Variants in SPINK5 observed in about 807,000 individuals in gnomAD.
SPINK5 encodes serine peptidase inhibitor Kazal type 5.
A neutral mutation model predicts 151.8 loss-of-function variants in SPINK5; 125 were observed. That is an observed-to-expected ratio of 0.82 (90% CI 0.71 to 0.96). The LOEUF is 0.96. Among genes scored for constraint, SPINK5 ranks in the 40% least tolerant of loss-of-function variants. The probability of loss-of-function intolerance (pLI) is 0.00; values close to 1 mark genes in which losing one functional copy is unlikely to be tolerated. For synonymous variants in SPINK5, 374 were observed against 395.3 expected (o/e 0.95, Z 0.64); for missense variants, 1,194 against 1,291.9 (o/e 0.92, Z 1.16).
In SPINK5 at chr5:148,107,147, C is replaced by T. The variant is rs1753804882; in HGVS notation, c.1590C>T (p.Ala530=). The change falls in exon 17 of 33, where the codon GCC becomes GCT. Residue 530 remains alanine (A), a synonymous_variant. Transcript: ENST00000256084. ...PDGKMHGNKC[A]MCASVFKLEE... is the part of the protein sequence containing the mutation. ...GCAAAATGCATGGAAACAAGTGTGC[C>T]ATGTGTGCCAGTGTGTTGTGAGTGT... is the stretch of plus-strand genomic sequence containing the variant. 4 of 1,612,266 alleles carry T rather than the reference C, an allele frequency of 2.5e-6. No homozygotes were observed. The East Asian group carries it at 6.7e-5, about 27-fold the overall frequency.
chr5:148,067,394 T>C (rs1032417694), intron 2 of SPINK5, among the ~76,000 whole-genome samples: 1 of 152,142 alleles, frequency 6.6e-6, no homozygotes, highest in Admixed American at 6.5e-5. Context: ...GGACTGGAAG[T>C]TACCCTGCAA....
In SPINK5 at chr5:148,111,778, G is replaced by C; in HGVS notation, c.1703G>C (p.Ser568Thr). The change falls in exon 19 of 33, where the codon AGT becomes ACT. Residue 568 changes from serine to threonine, a missense_variant. By Grantham distance (58) the Ser-to-Thr change is moderately conservative (BLOSUM62 1). Coordinates refer to ENST00000256084, the MANE Select transcript of SPINK5 (RefSeq NM_006846.4). ...TGCTTCATTTGGCAGGAGCTGTGCAGTGAATATCGTCATTATGTGAGGAAT... is the reference window on the plus strand; with the variant it reads ...TGCTTCATTTGGCAGGAGCTGTGCACTGAATATCGTCATTATGTGAGGAAT... ...VKREAVQELC[S>T]EYRHYVRNGR... The C allele has an allele frequency of 6.2e-7, 1 of 1,614,050 alleles. No individual in the cohort carries two copies. Among genetic ancestry groups the C allele is most frequent in the Non-Finnish European group, 8.5e-7 (1 of 1,179,910 alleles).
intron 31 of SPINK5, 123 bp downstream of exon 31, chr5:148,131,512 GT>G: frequency 7.1e-7 from 1 of 1,409,476 alleles, no homozygotes; most frequent in Non-Finnish European, 9.8e-7. Context: ...CATCATAGAA[GT>G]TAAAAATTCA....
chr5:148,116,561 C>A, intron 22 of SPINK5, 95 bp downstream of exon 22: 1 of 1,255,010 alleles, frequency 8.0e-7, no homozygotes, highest in Non-Finnish European at 1.2e-6. Context: ...AAAGGCAGTG[C>A]TAAGTCCTTG....
intron 11 of SPINK5, among the ~76,000 whole-genome samples, chr5:148,098,937 T>A (rs1378633799): frequency 6.6e-6 from 1 of 152,088 alleles, no homozygotes; most frequent in Non-Finnish European, 1.5e-5. Context: ...GGTGCCTCTG[T>A]TATGAACATT....
chr5:148,111,670 C>T (rs1753931603), intron 18 of SPINK5, 98 bp from the exon 19 acceptor site: 4 of 1,570,362 alleles, frequency 2.5e-6, no homozygotes, highest in Non-Finnish European at 3.5e-6. Flanking sequence ...CTTTTCCATG[C>T]AATCATTATG....
intron 10 of SPINK5, among the ~76,000 whole-genome samples, chr5:148,097,151 A>C (rs1753492395): frequency 6.8e-6 from 1 of 148,032 alleles, no homozygotes; most frequent in Non-Finnish European, 1.5e-5. Context: ...TACTGTTCTA[A>C]CTTCAGTCCC....
intron 15 of SPINK5, among the ~76,000 whole-genome samples, chr5:148,104,429 C>T (rs554491575): frequency 3.2e-4 from 48 of 152,262 alleles, no homozygotes; most frequent in Admixed American, 8.5e-4. Flanking sequence ...GGTTTACTCC[C>T]TAATTCAGGG....
At chr5:148,086,680 C>G (rs1753164695) in intron 5 of SPINK5, 148 bp downstream of exon 5, 1 of 1,013,550 alleles carries the variant, frequency 9.9e-7, no homozygotes, top group Non-Finnish European at 1.4e-6. Context: ...TTTTACTACT[C>G]TTAAGACAAA....
chr5:148,134,020 G>T, intron 32 of SPINK5, 133 bp downstream of exon 32: 1 of 836,284 alleles, frequency 1.2e-6, no homozygotes. Flanking sequence ...ACCCAGAATT[G>T]GTCACATTTT....
At chr5:148,106,571 CA>C (rs1753787695) in intron 16 of SPINK5, among the ~76,000 whole-genome samples, 1 of 152,100 alleles carries the variant, frequency 6.6e-6, no homozygotes, top group Admixed American at 6.6e-5. Flanking sequence ...CTCCTGGGCT[CA>C]AGCACTCTTG....
At chr5:148,069,338 T>C (rs979739930) in intron 2 of SPINK5, among the ~76,000 whole-genome samples, 6 of 151,950 alleles carry the variant, frequency 3.9e-5, no homozygotes, top group African/African-American at 1.4e-4. Flanking sequence ...ACCAATTCTA[T>C]TATTTAAAAT....
At chr5:148,071,919 C>G (rs538287645) in intron 3 of SPINK5, among the ~76,000 whole-genome samples, 19 of 152,132 alleles carry the variant, frequency 1.2e-4, no homozygotes, top group Non-Finnish European at 1.9e-4. Context: ...GGAAGGTAGT[C>G]TGTTATGCAG....
In SPINK5 at chr5:148,111,905, C is replaced by T. The variant is rs769715833; in HGVS notation, c.1820+10C>T. On this transcript the variant is annotated intron_variant, in intron 19 of 32. Transcript: ENST00000256084. The stretch of plus-strand genomic sequence containing the variant: ...TGTGTGAAGCCTTCTTGTGAGTGGG[C>T]GGCAGCCACTGCTGCTACTGAGTGT... The T allele has an allele frequency of 2.5e-5, 41 of 1,613,752 alleles. No homozygotes were observed. In the East Asian group the frequency reaches 2.7e-4, roughly 11 times the overall value.
intron 10 of SPINK5, among the ~76,000 whole-genome samples, chr5:148,097,320 C>T (rs1364837401): frequency 1.3e-5 from 2 of 151,922 alleles, no homozygotes; most frequent in African/African-American, 4.8e-5. Context: ...TCAAGGTCTC[C>T]TTTTGACCAT....
At chr5:148,105,404 A>G (rs911535967) in intron 16 of SPINK5, among the ~76,000 whole-genome samples, 1 of 152,134 alleles carries the variant, frequency 6.6e-6, no homozygotes, top group Non-Finnish European at 1.5e-5. Context: ...ATATATTATC[A>G]TATTTGAGCT....
chr5:148,120,249 G>A (rs1277433211), intron 25 of SPINK5, 46 bp from the exon 26 acceptor site: 1 of 1,606,282 alleles, frequency 6.2e-7, no homozygotes, highest in East Asian at 2.2e-5. Flanking sequence ...TAATTAATGA[G>A]GCGTTTGTTC....
At chr5:148,118,892 G>T in intron 23 of SPINK5, 94 bp from the exon 24 acceptor site, 1 of 1,299,878 alleles carries the variant, frequency 7.7e-7, no homozygotes, top group Non-Finnish European at 1.1e-6. Context: ...GTTGAAGAAA[G>T]CTGACTTCTT....
chr5:148,115,800 TGTTA>T (rs1480469849), intron 21 of SPINK5, among the ~76,000 whole-genome samples: 1 of 151,824 alleles, frequency 6.6e-6, no homozygotes, highest in Non-Finnish European at 1.5e-5. Flanking sequence ...ATTTATGAAG[TGTTA>T]GTTAATTGCT....
Sources: allele counts gnomAD v4.1 joint callset (sites outside exome capture counted in the v4.1 genomes callset), GRCh38; gene constraint gnomAD v4.1.1; transcripts MANE v1.5; gene names NCBI Gene and HGNC (gene_info 2026-07-23, HGNC 2026-07-21).